KCND2: variants seen among roughly 807,000 people sequenced by gnomAD.
KCND2 encodes the protein potassium voltage-gated channel subfamily D member 2, also known as A-type voltage-gated potassium channel KCND2.
A neutral mutation model predicts 54.4 loss-of-function variants in KCND2; 16 were observed. The ratio of observed to expected loss-of-function variants is 0.29; its 90% confidence interval spans 0.20 to 0.45. The LOEUF is 0.45. KCND2 is among the 20% of genes least tolerant of loss of function. The probability of loss-of-function intolerance (pLI) is 1.00; values close to 1 mark genes in which losing one functional copy is unlikely to be tolerated. For missense variants in KCND2, 486 were observed against 824.2 expected (o/e 0.59, Z 5.02); for synonymous variants, 317 against 310.7 (o/e 1.02, Z -0.21).
intron 1 of KCND2, among the ~76,000 whole-genome samples, chr7:120,698,150 G>T (rs1461493845): frequency 6.6e-6 from 1 of 150,596 alleles, no homozygotes; most frequent in African/African-American, 2.4e-5. Context: ...GGGTAGCTAG[G>T]ATTATAGGCA....
At chr7:120,408,316 T>C (rs2116100172) in intron 1 of KCND2, among the ~76,000 whole-genome samples, 1 of 151,912 alleles carries the variant, frequency 6.6e-6, no homozygotes. Context: ...TCCTTTCAAG[T>C]TTGAGGTCCT....
intron 1 of KCND2, among the ~76,000 whole-genome samples, chr7:120,410,096 G>A (rs1182258018): frequency 1.3e-5 from 2 of 151,464 alleles, no homozygotes; most frequent in Non-Finnish European, 2.9e-5. Flanking sequence ...ATTCCTTTTT[G>A]CACATGGATA....
At chr7:120,599,368 A>T (rs1332588237) in intron 1 of KCND2, among the ~76,000 whole-genome samples, 1 of 152,094 alleles carries the variant, frequency 6.6e-6, no homozygotes, top group Admixed American at 6.6e-5. Flanking sequence ...TCTCAAAAAA[A>T]AATCTGCTGA....
chr7:120,743,929 CTAGTAGG>C, intron 4 of KCND2, among the ~76,000 whole-genome samples: 1 of 152,088 alleles, frequency 6.6e-6, no homozygotes, highest in Non-Finnish European at 1.5e-5. Context: ...GGTCTGTAAC[CTAGTAGG>C]ATAAATTTGA....
At chr7:120,667,475 C>A (rs2116568281) in intron 1 of KCND2, among the ~76,000 whole-genome samples, 1 of 152,022 alleles carries the variant, frequency 6.6e-6, no homozygotes, top group African/African-American at 2.4e-5. Context: ...AAAATATGAA[C>A]CCCATACTGT....
At chr7:120,337,906 G>T (rs1308772771) in intron 1 of KCND2, among the ~76,000 whole-genome samples, 1 of 152,066 alleles carries the variant, frequency 6.6e-6, no homozygotes, top group Non-Finnish European at 1.5e-5. Flanking sequence ...GAGCTGCCCA[G>T]AAAAAAGTCT....
chr7:120,514,627 A>C (rs992452672), intron 1 of KCND2, among the ~76,000 whole-genome samples: 1 of 152,090 alleles, frequency 6.6e-6, no homozygotes, highest in Non-Finnish European at 1.5e-5. Context: ...TTAAAGTAGT[A>C]TACTTTTATA....
At chr7:120,577,864 C>T (rs900303498) in intron 1 of KCND2, among the ~76,000 whole-genome samples, 23 of 152,164 alleles carry the variant, frequency 1.5e-4, no homozygotes, top group Admixed American at 3.9e-4. Flanking sequence ...GGATTACAGG[C>T]GTGAGCCACT....
chr7:120,629,354 C>T (rs1259437888), intron 1 of KCND2, among the ~76,000 whole-genome samples: 3 of 152,242 alleles, frequency 2.0e-5, no homozygotes, highest in African/African-American at 7.2e-5. Context: ...GGCGTGGTGG[C>T]TGACGCCTGT....
At chr7:120,672,925 C>A (rs1345161361) in intron 1 of KCND2, 1 of 152,054 alleles carries the variant, frequency 6.6e-6, no homozygotes, top group Non-Finnish European at 1.5e-5. Flanking sequence ...AAGATTAGCA[C>A]AGCCCTTGTG....
At chr7:120,585,577 T>G (rs1792587554) in intron 1 of KCND2, among the ~76,000 whole-genome samples, 1 of 151,968 alleles carries the variant, frequency 6.6e-6, no homozygotes, top group South Asian at 2.1e-4. Flanking sequence ...CACCATACAT[T>G]AAGTAGGTCA....
At chr7:120,592,975 G>C (rs1792689895) in intron 1 of KCND2, among the ~76,000 whole-genome samples, 1 of 152,144 alleles carries the variant, frequency 6.6e-6, no homozygotes, top group African/African-American at 2.4e-5. Flanking sequence ...TAGGAGAATA[G>C]AGAGATATCT....
At chr7:120,624,871 A>T (rs1012848818) in intron 1 of KCND2, among the ~76,000 whole-genome samples, 1 of 152,164 alleles carries the variant, frequency 6.6e-6, no homozygotes, top group South Asian at 2.1e-4. Flanking sequence ...CAGAAATGAC[A>T]TTTTCTCATA....
At chr7:120,330,243 A>G (rs889039066) in intron 1 of KCND2, among the ~76,000 whole-genome samples, 2 of 152,098 alleles carry the variant, frequency 1.3e-5, no homozygotes, top group African/African-American at 4.8e-5. Context: ...TGAGGAAAAA[A>G]AATGAACTAA....
At chr7:120,322,004 C>T (rs184813659) in intron 1 of KCND2, among the ~76,000 whole-genome samples, 1 of 151,570 alleles carries the variant, frequency 6.6e-6, no homozygotes, top group East Asian at 1.9e-4. Flanking sequence ...GAAATATCTA[C>T]AAAAAATGAT....
chr7:120,705,804 T>A (rs928775127), intron 1 of KCND2, among the ~76,000 whole-genome samples: 1 of 152,242 alleles, frequency 6.6e-6, no homozygotes, highest in African/African-American at 2.4e-5. Flanking sequence ...GAACTGGAAA[T>A]TGAAAAGGAT....
At chr7:120,350,640 A>T (rs555688126) in intron 1 of KCND2, among the ~76,000 whole-genome samples, 2 of 152,166 alleles carry the variant, frequency 1.3e-5, no homozygotes, top group African/African-American at 4.8e-5. Flanking sequence ...TTTAAAGATA[A>T]CCCTGTGAAT....
intron 1 of KCND2, among the ~76,000 whole-genome samples, chr7:120,542,237 T>C (rs552788449): frequency 1.3e-5 from 2 of 152,278 alleles, no homozygotes; most frequent in Admixed American, 1.3e-4. Context: ...TTGCAGTGTG[T>C]GCTTACCAAA....
At chr7:120,431,332 C>T (rs1801785332) in intron 1 of KCND2, among the ~76,000 whole-genome samples, 1 of 152,160 alleles carries the variant, frequency 6.6e-6, no homozygotes, top group Admixed American at 6.5e-5. Context: ...TTAACGTAGC[C>T]TATGGTCCAG....
Sources: gnomAD v4.1 joint callset for allele counts (sites outside exome capture counted in the v4.1 genomes callset) on GRCh38, gnomAD v4.1.1 for gene constraint, MANE v1.5 for transcripts, NCBI Gene and HGNC (gene_info 2026-07-23, HGNC 2026-07-21) for gene names.